COL6A3: variants seen among roughly 807,000 people sequenced by gnomAD.
The protein encoded by COL6A3 is collagen alpha-3(VI) chain.
Under a neutral mutation model 274.1 loss-of-function variants are expected in COL6A3, and 137 were observed. That is an observed-to-expected ratio of 0.50 (90% CI 0.44 to 0.58). The LOEUF (loss-of-function observed/expected upper bound fraction) is 0.58. Among genes scored for constraint, COL6A3 ranks in the 20% least tolerant of loss-of-function variants. The pLI is 0.00. For missense variants in COL6A3, 3,950 were observed against 4,124.9 expected (o/e 0.96, Z 1.16); for synonymous variants, 1,650 against 1,650.6 (o/e 1.00, Z 0.01).
rs114011175 is a variant in COL6A3 at position 237,366,874 on chromosome 2, G to C, written c.5313C>G (p.Val1771=). The change falls in exon 11 of 44, where the codon GTC becomes GTG. Residue 1771 remains valine, a synonymous_variant. Transcript: ENST00000295550. ...TCCTCACTCCAACAGCAAACACTTT[G>C]ACCCCCCTCTGGGTGAGGGCCAGGC... ...DVSLALTQRG[V]KVFAVGVRNI... is the part of the protein sequence containing the mutation. 1 of 1,614,146 alleles carries C rather than the reference G, an allele frequency of 6.2e-7. No homozygotes were observed. The highest frequency in any genetic ancestry group is 1.3e-5 in the African/African-American group (1 of 75,020).
rs1407950082 is a variant in COL6A3, at chr2:237,344,305, C to G, written c.7668+45G>C. On this transcript the variant is annotated intron_variant, in intron 36 of 43. Coordinates refer to ENST00000295550, the MANE Select transcript of COL6A3 (RefSeq NM_004369.4). The surrounding 1 kb of genome is among the most constrained non-coding windows in gnomAD (Gnocchi z 4.8). Reference sequence around the variant, plus strand: ...GACGTGTCTGAGAACCTTCTCAGAGCCCCAGAAGAAAGGGAGATGCCAACA... The same window carrying G: ...GACGTGTCTGAGAACCTTCTCAGAGGCCCAGAAGAAAGGGAGATGCCAACA... 1.2e-6 allele frequency: 2 copies of G among 1,613,796 alleles called. No individual in the cohort carries two copies. The highest frequency in any genetic ancestry group is 1.7e-5 in the Admixed American group (1 of 60,030).
Position 237,339,132 on chromosome 2 carries a change from C to A in COL6A3, c.8465-15G>T, listed in dbSNP as rs1327904586. 1.9e-6 allele frequency: 3 copies of A among 1,570,610 alleles called. No individual in the cohort carries two copies. The highest frequency in any genetic ancestry group is 2.7e-5 in the African/African-American group (2 of 74,140). ...AGCATTTTCACCTAAAGAAAAAAAA[C>A]AAAGAAAACAATTGAACCGCATGCT... On this transcript the variant is annotated splice_polypyrimidine_tract_variant and intron_variant, in intron 38 of 43. Coordinates refer to ENST00000295550, the MANE Select transcript of COL6A3 (RefSeq NM_004369.4).
At chr2:237,339,714 G>T (rs1237905049) in intron 38 of COL6A3, among the ~76,000 whole-genome samples, 1 of 152,038 alleles carries the variant, frequency 6.6e-6, no homozygotes. Flanking sequence ...TCCAAGCCTT[G>T]CCTGTACTGA....
At position 237,340,734 on chromosome 2, in the gene COL6A3, C is replaced by T; in HGVS notation, c.8182G>A (p.Glu2728Lys). ...AGGTCCCGTGGGTTTGGGGCACTTT[C>T]AAAGACATTCTCTATGGTGTATTCA... ...AIEYTIENVF[E>K]SAPNPRDLKI... The change falls in exon 38 of 44, where the codon GAA (glutamate) becomes AAA (lysine). Residue 2728 changes from glutamate (E) to lysine (K), a missense_variant. By Grantham distance (56) the Glu-to-Lys change is moderately conservative (BLOSUM62 1). Transcript: ENST00000295550. 6.2e-7 allele frequency: 1 copy of T among 1,614,142 alleles called. No individual in the cohort carries two copies. The highest frequency in any genetic ancestry group is 8.5e-7 in the Non-Finnish European group (1 of 1,180,036).
At chr2:237,331,535 G>A (rs936874440) in intron 42 of COL6A3, among the ~76,000 whole-genome samples, 4 of 151,970 alleles carry the variant, frequency 2.6e-5, no homozygotes, top group Non-Finnish European at 5.9e-5. Flanking sequence ...TGCCATTACT[G>A]TCAGTGGCAA....
intron 7 of COL6A3, 126 bp downstream of exon 7, chr2:237,376,646 T>C: frequency 1.1e-6 from 1 of 933,250 alleles, no homozygotes; most frequent in Non-Finnish European, 1.8e-6. Context: ...CAGCAGGTGA[T>C]TAATTTTCCA....
chr2:237,372,707 G>A (rs2077725009), intron 8 of COL6A3, among the ~76,000 whole-genome samples: 4 of 152,214 alleles, frequency 2.6e-5, no homozygotes, highest in Admixed American at 2.6e-4. Flanking sequence ...AGCACTTGGG[G>A]GAGGAGCAAG....
chr2:237,329,528 C>T (rs1041768897), intron 42 of COL6A3: 4 of 152,216 alleles, frequency 2.6e-5, no homozygotes, highest in African/African-American at 7.2e-5. Context: ...GAACAACAGA[C>T]AGCCTGGAGA....
intron 1 of COL6A3, among the ~76,000 whole-genome samples, chr2:237,411,994 T>G (rs2078868230): frequency 6.6e-6 from 1 of 152,178 alleles, no homozygotes; most frequent in Non-Finnish European, 1.5e-5. Flanking sequence ...CACCCCAACA[T>G]GGAATTCCTT....
chr2:237,365,879 C>G lies in COL6A3; in HGVS notation c.5657G>C (p.Arg1886Pro). The change falls in exon 12 of 44, where the codon CGT (arginine) becomes CCT (proline). Residue 1886 changes from arginine to proline, a missense_variant. By Grantham distance (103) the Arg-to-Pro change is moderately radical (BLOSUM62 -2). Around this residue, in one of 5 missense-constraint regions of COL6A3, gnomAD observed 632 missense variants for 623.4 expected, o/e 1.01. Transcript: ENST00000295550. The stretch of plus-strand genomic sequence containing the variant: ...GGGCGTGTTGGCCACCACTGACACA[C>G]GCACGGTGGGCGAGCGGCCACCGCT... ...SCSGGRSPTV[R>P]VSVVANTPSG... The G allele has an allele frequency of 6.2e-7, 1 of 1,614,170 alleles. No individual in the cohort carries two copies. Among genetic ancestry groups the G allele is most frequent in the Non-Finnish European group, 8.5e-7 (1 of 1,180,026 alleles).
chr2:237,388,542 C>T (rs1002728840), intron 3 of COL6A3, among the ~76,000 whole-genome samples: 10 of 152,276 alleles, frequency 6.6e-5, no homozygotes, highest in African/African-American at 2.4e-4. Flanking sequence ...CATGAATTGT[C>T]CACTACCAAA....
In COL6A3 at chr2:237,325,694, G is replaced by T. The variant is rs767332514; in HGVS notation, c.9359C>A (p.Thr3120Asn). The change falls in exon 43 of 44, where the codon ACT (threonine) becomes AAT (asparagine). Residue 3120 changes from threonine (T) to asparagine (N), a missense_variant. Coordinates refer to ENST00000295550, the MANE Select transcript of COL6A3 (RefSeq NM_004369.4). Reference protein sequence around the residue: ...DICKLPKDEGTCRDFILKWYY... With the variant: ...DICKLPKDEGNCRDFILKWYY... ...CCATTTTAATATGAAATCCCTGCAA[G>T]TTCCTTCGTCTTTCGGCAACTTGCA... 4 of 1,613,998 alleles carry T rather than the reference G, an allele frequency of 2.5e-6. No individual in the cohort carries two copies. Among genetic ancestry groups the T allele is most frequent in the Admixed American group, 3.3e-5 (2 of 60,020 alleles).
intron 32 of COL6A3, among the ~76,000 whole-genome samples, chr2:237,345,868 C>A (rs980548312): frequency 6.6e-6 from 1 of 152,188 alleles, no homozygotes; most frequent in Non-Finnish European, 1.5e-5. Flanking sequence ...CTAATTCAAC[C>A]AAACTAAGCC....
At chr2:237,398,183 C>T (rs1030871024) in intron 1 of COL6A3, among the ~76,000 whole-genome samples, 1 of 152,204 alleles carries the variant, frequency 6.6e-6, no homozygotes, top group Admixed American at 6.5e-5. Flanking sequence ...GAAAATCTGC[C>T]ATATGCCAAC....
In COL6A3 at chr2:237,388,677, A is replaced by T. The variant is rs188352487; in HGVS notation, c.710-493T>A. On this transcript the variant is annotated intron_variant, in intron 3 of 43. Transcript: ENST00000295550. ...TTATACAAATCCACAGCTACAAAAC[A>T]GAGTCACGATTTGGTGATTCCTCAA... 3.9e-5 allele frequency among the ~76,000 whole-genome samples: 6 copies of T among 152,346 alleles called. No individual in the cohort carries two copies. The East Asian group carries it at 1.2e-3, about 29-fold the overall frequency.
At position 237,366,934 on chromosome 2, in the gene COL6A3, C is replaced by T. The variant is rs886043174; in HGVS notation, c.5253G>A (p.Thr1751=). The T allele has an allele frequency of 3.7e-6, 6 of 1,614,114 alleles. No individual in the cohort carries two copies. Among genetic ancestry groups the T allele is most frequent in the South Asian group, 2.2e-5 (2 of 91,092 alleles). Residue 1751 remains threonine (T), a synonymous_variant, in exon 11 of 44, where the codon ACG becomes ACA. Coordinates refer to ENST00000295550, the MANE Select transcript of COL6A3 (RefSeq NM_004369.4). ...QRVPQIAFVI[T]GGKSVEDAQD... is the part of the protein sequence containing the mutation. ...GTGCATCTTCCACCGACTTTCCTCC[C>T]GTGATCACAAAGGCAATCTGAGGGA...
rs75087401 is a variant in COL6A3, at chr2:237,364,241, C to T, written c.5917+109G>A. 1,628 of 869,432 alleles carry T rather than the reference C, an allele frequency of 1.9e-3. 13 individuals are homozygous for T. In the African/African-American group the frequency reaches 0.023, roughly 12 times the overall value. 53.9% of individuals were successfully genotyped at this position (869,432 alleles called of 1,614,324 possible). On this transcript the variant is annotated intron_variant, in intron 13 of 43. Transcript: ENST00000295550. The surrounding 1 kb of genome is among the most constrained non-coding windows in gnomAD (Gnocchi z 4.6). The stretch of plus-strand genomic sequence containing the variant: ...TGGGAGGAAGAGTCTCCCAAGACAA[C>T]GCTGCTCCCTTGGGGCGCTGCATTA...
intron 27 of COL6A3, among the ~76,000 whole-genome samples, chr2:237,350,480 C>T (rs543701359): frequency 3.4e-4 from 52 of 152,258 alleles, no homozygotes; most frequent in East Asian, 7.7e-4. Flanking sequence ...GCACGGAAGG[C>T]GGTGGGCATT....
At chr2:237,358,719 T>C in intron 20 of COL6A3, 136 bp from the exon 21 acceptor site, 1 of 858,856 alleles carries the variant, frequency 1.2e-6, no homozygotes, top group Non-Finnish European at 1.9e-6. Flanking sequence ...GAAGGCAAAT[T>C]CACTTCCACA....
Sources: allele counts gnomAD v4.1 joint callset (sites outside exome capture counted in the v4.1 genomes callset), GRCh38; gene constraint gnomAD v4.1.1; regional missense constraint gnomAD v4.1.1; non-coding constraint Gnocchi (gnomAD v3.1); transcripts MANE v1.5; gene names NCBI Gene and HGNC (gene_info 2026-07-23, HGNC 2026-07-21).